Variants in MACROD2 observed in about 807,000 individuals in gnomAD.
MACROD2 encodes mono-ADP ribosylhydrolase 2, also known as ADP-ribose glycohydrolase MACROD2.
Under a neutral mutation model 70.4 loss-of-function variants are expected in MACROD2, and 36 were observed. The observed-to-expected ratio is 0.51, with a 90% CI of 0.39 to 0.68. The LOEUF (loss-of-function observed/expected upper bound fraction) is 0.68, where lower values mean the gene tolerates loss of function less well. Among genes scored for constraint, MACROD2 ranks in the 30% least tolerant of loss-of-function variants. MACROD2 has a pLI of 0.00. For synonymous variants in MACROD2, 172 were observed against 178.8 expected, an observed-to-expected ratio of 0.96 and a Z score of 0.30; for missense variants, 496 against 538.4, an observed-to-expected ratio of 0.92 and a Z score of 0.78.
At chr20:14,423,663 G>A (rs1410457414) in intron 3 of MACROD2, among the ~76,000 whole-genome samples, 1 of 132,290 alleles carries the variant, frequency 7.6e-6, no homozygotes, top group African/African-American at 2.9e-5. Context: ...TCGCCTCACT[G>A]CACTCCAGCC....
intron 8 of MACROD2, among the ~76,000 whole-genome samples, chr20:15,671,855 T>C (rs1024046031): frequency 1.3e-5 from 2 of 152,246 alleles, no homozygotes; most frequent in African/African-American, 4.8e-5. Context: ...TGCTACAGTC[T>C]TGGCTTGTAG....
chr20:14,710,121 A>G (rs2071320259), intron 5 of MACROD2, among the ~76,000 whole-genome samples: 1 of 152,186 alleles, frequency 6.6e-6, no homozygotes, highest in African/African-American at 2.4e-5. Flanking sequence ...AAGATAATTC[A>G]CAACTTGATG....
chr20:15,391,510 G>A (rs186921150), intron 6 of MACROD2, among the ~76,000 whole-genome samples: 210 of 152,276 alleles, frequency 1.4e-3, no homozygotes, highest in African/African-American at 4.6e-3. Flanking sequence ...CAGGTCTCCC[G>A]GCCACAGCCG....
At chr20:16,044,800 C>G (rs144147617) in intron 17 of MACROD2, among the ~76,000 whole-genome samples, 161 bp downstream of exon 17, 3 of 152,016 alleles carry the variant, frequency 2.0e-5, no homozygotes, top group Non-Finnish European at 4.4e-5. Context: ...TAAGGGGAAA[C>G]GATCACCCCT....
chr20:14,259,693 C>A (rs1236859593), intron 3 of MACROD2, among the ~76,000 whole-genome samples: 2 of 152,150 alleles, frequency 1.3e-5, no homozygotes, highest in African/African-American at 2.4e-5. Context: ...AATGGGGATG[C>A]AGACAAGAAG....
chr20:15,640,916 C>T (rs556764475), intron 8 of MACROD2, among the ~76,000 whole-genome samples: 1 of 152,338 alleles, frequency 6.6e-6, no homozygotes, highest in South Asian at 2.1e-4. Context: ...ACAGCTTACC[C>T]GCCAGCTGGG....
At chr20:14,608,816 G>A (rs767023773) in intron 4 of MACROD2, among the ~76,000 whole-genome samples, 32 of 152,314 alleles carry the variant, frequency 2.1e-4, no homozygotes, top group African/African-American at 5.3e-4. Context: ...GGTAGGTACC[G>A]TTTTAGATAG....
intron 6 of MACROD2, among the ~76,000 whole-genome samples, chr20:15,237,333 T>A (rs1280716829): frequency 6.6e-6 from 1 of 152,228 alleles, no homozygotes; most frequent in East Asian, 1.9e-4. Context: ...TCACACCTGG[T>A]TGAGTCCACA....
At chr20:15,056,547 G>A (rs2075487128) in intron 5 of MACROD2, among the ~76,000 whole-genome samples, 1 of 152,062 alleles carries the variant, frequency 6.6e-6, no homozygotes, top group South Asian at 2.1e-4. Context: ...TGAAGAGATG[G>A]CACGTTTCTT....
intron 8 of MACROD2, among the ~76,000 whole-genome samples, chr20:15,701,498 C>A (rs1362617184): frequency 1.3e-5 from 2 of 152,100 alleles, no homozygotes; most frequent in Non-Finnish European, 2.9e-5. Context: ...ATAACTCTAG[C>A]GCATGTTCCA....
At chr20:15,796,342 C>A (rs1163547016) in intron 8 of MACROD2, among the ~76,000 whole-genome samples, 3 of 152,186 alleles carry the variant, frequency 2.0e-5, no homozygotes, top group Non-Finnish European at 4.4e-5. Flanking sequence ...ATTCATTGAG[C>A]TCTCTAATTT....
intron 8 of MACROD2, among the ~76,000 whole-genome samples, chr20:15,523,215 GAA>G (rs1196930129): frequency 6.6e-6 from 1 of 152,230 alleles, no homozygotes; most frequent in Non-Finnish European, 1.5e-5. Flanking sequence ...TCAGAGAAAA[GAA>G]AGATTTTTTG....
chr20:14,583,069 C>T (rs199782160), intron 4 of MACROD2, among the ~76,000 whole-genome samples: 5 of 151,776 alleles, frequency 3.3e-5, no homozygotes, highest in African/African-American at 1.2e-4. Flanking sequence ...GAACTAAGGA[C>T]GTGTGACTGT....
At chr20:14,574,832 A>G (rs1237380244) in intron 4 of MACROD2, among the ~76,000 whole-genome samples, 1 of 148,776 alleles carries the variant, frequency 6.7e-6, no homozygotes, top group Non-Finnish European at 1.5e-5. Flanking sequence ...TAACAAGGTG[A>G]AACCCCGTCT....
intron 5 of MACROD2, among the ~76,000 whole-genome samples, chr20:14,913,332 G>C (rs2074051935): frequency 6.6e-6 from 1 of 151,994 alleles, no homozygotes; most frequent in Non-Finnish European, 1.5e-5. Flanking sequence ...TTTATGGATT[G>C]TACTTTATAT....
At chr20:14,054,262 T>C (rs777849557) in intron 2 of MACROD2, among the ~76,000 whole-genome samples, 17 of 151,536 alleles carry the variant, frequency 1.1e-4, no homozygotes, top group South Asian at 2.1e-4. Context: ...ACTTGTAGAG[T>C]GTATGACAAT....
At chr20:14,216,079 G>A (rs866478861) in intron 3 of MACROD2, among the ~76,000 whole-genome samples, 6 of 150,952 alleles carry the variant, frequency 4.0e-5, no homozygotes, top group Admixed American at 6.6e-5. Context: ...TCATGAAATC[G>A]TAAGCCAATG....
At chr20:14,201,440 A>G (rs1429226483) in intron 3 of MACROD2, among the ~76,000 whole-genome samples, 1 of 152,216 alleles carries the variant, frequency 6.6e-6, no homozygotes, top group Non-Finnish European at 1.5e-5. Context: ...TTGCTTTCAT[A>G]AAGAAATCTT....
intron 2 of MACROD2, among the ~76,000 whole-genome samples, chr20:14,043,077 C>T (rs2053416541): frequency 6.6e-6 from 1 of 152,054 alleles, no homozygotes; most frequent in Non-Finnish European, 1.5e-5. Context: ...CATCACCATG[C>T]CTGGCTAATT....
Sources: allele counts gnomAD v4.1 joint callset (sites outside exome capture counted in the v4.1 genomes callset), GRCh38; gene constraint gnomAD v4.1.1; transcripts MANE v1.5; gene names NCBI Gene and HGNC (gene_info 2026-07-23, HGNC 2026-07-21).